The following DLG2 variants were observed in gnomAD, a reference collection of about 807,000 sequenced individuals.
DLG2 encodes disks large homolog 2.
A neutral mutation model predicts 132.5 loss-of-function variants in DLG2; 45 were observed. That is an observed-to-expected ratio of 0.34 (90% CI 0.27 to 0.44). The LOEUF (loss-of-function observed/expected upper bound fraction) is 0.44. DLG2 is among the 20% of genes least tolerant of loss of function. DLG2 has a pLI of 1.00. For missense variants in DLG2, 1,045 were observed against 1,196.9 expected (o/e 0.87, Z 1.87); for synonymous variants, 424 against 419.6 (o/e 1.01, Z -0.13).
chr11:85,013,933 CT>C (rs945378371), intron 6 of DLG2, among the ~76,000 whole-genome samples: 1 of 151,932 alleles, frequency 6.6e-6, no homozygotes, highest in Non-Finnish European at 1.5e-5. Context: ...CTTTAAAAGA[CT>C]TTTTTTGGTA....
At chr11:84,557,632 A>ATGT (rs2154525412) in intron 6 of DLG2, among the ~76,000 whole-genome samples, 1 of 151,864 alleles carries the variant, frequency 6.6e-6, no homozygotes, top group Non-Finnish European at 1.5e-5. Flanking sequence ...TTTTTACAGT[A>ATGT]TGTTATTATT....
At chr11:85,146,381 A>C (rs1448285285) in intron 5 of DLG2, among the ~76,000 whole-genome samples, 2 of 152,040 alleles carry the variant, frequency 1.3e-5, no homozygotes, top group Non-Finnish European at 2.9e-5. Context: ...TCCAAGGTCC[A>C]TGGCTACTCT....
At chr11:84,598,269 G>T (rs2099568290) in intron 6 of DLG2, among the ~76,000 whole-genome samples, 1 of 152,110 alleles carries the variant, frequency 6.6e-6, no homozygotes, top group Admixed American at 6.5e-5. Context: ...GTAGATTACA[G>T]GTTCCTTAAT....
At chr11:84,466,547 G>T (rs1401944575) in intron 7 of DLG2, among the ~76,000 whole-genome samples, 2 of 151,140 alleles carry the variant, frequency 1.3e-5, no homozygotes, top group Non-Finnish European at 3.0e-5. Flanking sequence ...AAAGATGTTC[G>T]GCATCACTGA....
intron 8 of DLG2, among the ~76,000 whole-genome samples, chr11:84,167,495 T>C (rs1301872944): frequency 1.3e-5 from 2 of 152,222 alleles, no homozygotes; most frequent in Non-Finnish European, 2.9e-5. Flanking sequence ...GATTTTGAGA[T>C]ATATTTTTAT....
intron 6 of DLG2, among the ~76,000 whole-genome samples, chr11:85,109,640 G>A (rs182822114): frequency 6.6e-6 from 1 of 152,190 alleles, no homozygotes; most frequent in Non-Finnish European, 1.5e-5. Flanking sequence ...ATTTTGGGCT[G>A]AAATTACCAG....
chr11:84,819,036 T>C (rs1241736432), intron 6 of DLG2, among the ~76,000 whole-genome samples: 11 of 140,314 alleles, frequency 7.8e-5, no homozygotes, highest in Non-Finnish European at 3.2e-5. Context: ...AGGGCCTTTT[T>C]ACACATACAT....
chr11:83,612,356 T>A (rs1415344775), intron 19 of DLG2, among the ~76,000 whole-genome samples: 1 of 152,194 alleles, frequency 6.6e-6, no homozygotes, highest in Non-Finnish European at 1.5e-5. Context: ...ACCGAATTGG[T>A]GTAGGGATTA....
chr11:84,771,128 T>C (rs1203023594), intron 6 of DLG2, among the ~76,000 whole-genome samples: 4 of 152,174 alleles, frequency 2.6e-5, no homozygotes, highest in Non-Finnish European at 5.9e-5. Context: ...CCTTTGGGTA[T>C]ACACTCAGTC....
intron 14 of DLG2, among the ~76,000 whole-genome samples, chr11:83,950,808 G>A (rs1433646660): frequency 6.6e-6 from 1 of 152,082 alleles, no homozygotes; most frequent in East Asian, 1.9e-4. Context: ...AGCTGTTCCT[G>A]ACTCATCAGT....
intron 3 of DLG2, among the ~76,000 whole-genome samples, chr11:85,320,815 A>G (rs1031164929): frequency 2.0e-5 from 3 of 151,904 alleles, no homozygotes; most frequent in African/African-American, 7.2e-5. Context: ...ACAAAAAGCC[A>G]CAGAGACTGG....
chr11:84,654,529 T>G (rs191555924), intron 6 of DLG2, among the ~76,000 whole-genome samples: 1 of 152,274 alleles, frequency 6.6e-6, no homozygotes, highest in East Asian at 1.9e-4. Context: ...TATAATCAAA[T>G]AATGAATGGT....
At chr11:84,863,926 G>A (rs1037393822) in intron 6 of DLG2, among the ~76,000 whole-genome samples, 6 of 152,036 alleles carry the variant, frequency 3.9e-5, no homozygotes. Flanking sequence ...TGTATGGTTT[G>A]AGTTTTTAAA....
At chr11:84,522,728 T>C (rs1275513199) in intron 7 of DLG2, among the ~76,000 whole-genome samples, 2 of 152,220 alleles carry the variant, frequency 1.3e-5, no homozygotes, top group Admixed American at 6.5e-5. Context: ...CCTTTGTATA[T>C]ACCAATAGAC....
At chr11:83,526,604 G>T (rs528613589) in intron 21 of DLG2, among the ~76,000 whole-genome samples, 1 of 152,254 alleles carries the variant, frequency 6.6e-6, no homozygotes, top group African/African-American at 2.4e-5. Context: ...AACCTGGTCT[G>T]GTTGGTCACA....
chr11:83,833,420 A>G (rs1235040374), intron 17 of DLG2, among the ~76,000 whole-genome samples, 194 bp downstream of exon 17: 1 of 152,200 alleles, frequency 6.6e-6, no homozygotes, highest in Non-Finnish European at 1.5e-5. Flanking sequence ...CCTGGGCAAC[A>G]GACAGAGCGA....
At chr11:84,118,090 C>T (rs553972483) in intron 9 of DLG2, among the ~76,000 whole-genome samples, 1 of 152,252 alleles carries the variant, frequency 6.6e-6, no homozygotes, top group Admixed American at 6.5e-5. Context: ...CTCCTGACCG[C>T]AGGTGATCCA....
chr11:84,893,248 C>T (rs944972856), intron 6 of DLG2, among the ~76,000 whole-genome samples: 10 of 152,156 alleles, frequency 6.6e-5, no homozygotes, highest in African/African-American at 2.2e-4. Flanking sequence ...CATCTGGTGC[C>T]TAAGCACCAC....
intron 5 of DLG2, chr11:85,132,837 C>T (rs1212801007): frequency 2.2e-6 from 1 of 456,720 alleles, no homozygotes; most frequent in Admixed American, 2.3e-5. Flanking sequence ...GGAAATCACA[C>T]CAGCAAATCA....
Sources: allele counts gnomAD v4.1 joint callset (sites outside exome capture counted in the v4.1 genomes callset), GRCh38; gene constraint gnomAD v4.1.1; transcripts MANE v1.5; gene names NCBI Gene and HGNC (gene_info 2026-07-23, HGNC 2026-07-21).